Variants in GSTO2 observed in about 807,000 individuals in gnomAD.
GSTO2 encodes the protein glutathione S-transferase omega-2.
GSTO2 carries 23 observed loss-of-function variants against 28.4 expected under a neutral mutation model. The ratio of observed to expected loss-of-function variants is 0.81; its 90% CI spans 0.58 to 1.15. GSTO2 has a LOEUF of 1.15. Among genes scored for constraint, GSTO2 ranks in the 50% most tolerant of loss-of-function variants. The pLI is 0.00. For synonymous variants in GSTO2, 109 were observed against 111.0 expected (o/e 0.98, Z 0.11); for missense variants, 298 against 297.8 (o/e 1.00, Z 0.00).
chr10:104,297,470 GCCTCAGTTCTC>G, intron 5 of GSTO2, 97 bp from the exon 6 acceptor site: 2 of 657,606 alleles, frequency 3.0e-6, no homozygotes, highest in Non-Finnish European at 5.4e-6. Context: ...AAGGAGAGAG[GCCTCAGTTCTC>G]CCTCTCTGGG....
At chr10:104,286,597 A>G (rs932547852) in intron 5 of GSTO2, among the ~76,000 whole-genome samples, 12 of 152,186 alleles carry the variant, frequency 7.9e-5, no homozygotes, top group Non-Finnish European at 1.5e-4. Context: ...CATGTTTACT[A>G]ACATGCCATT....
rs945082180 is a variant in GSTO2, at chr10:104,288,189, C to T, written c.468+8718C>T. Among the ~76,000 whole-genome samples the T allele has an allele frequency of 5.3e-5, 8 of 152,102 alleles. No homozygotes were observed. The East Asian group carries it at 5.8e-4, about 11-fold the overall frequency. Reference sequence around the variant, plus strand: ...ACAGGCGTGAGCCACCTCACCCGGCCGAAAACACTTTTAATGTCTGCATAC... The same window carrying T: ...ACAGGCGTGAGCCACCTCACCCGGCTGAAAACACTTTTAATGTCTGCATAC... On this transcript the variant is annotated intron_variant, in intron 5 of 6. Transcript: ENST00000338595.
chr10:104,271,142 G>A (rs1430946398), intron 1 of GSTO2, among the ~76,000 whole-genome samples: 1 of 152,190 alleles, frequency 6.6e-6, no homozygotes, highest in Non-Finnish European at 1.5e-5. Context: ...GTAGGGATAA[G>A]CTTAAGGTTA....
intron 3 of GSTO2, among the ~76,000 whole-genome samples, 176 bp from the exon 4 acceptor site, chr10:104,277,718 A>G (rs879296152): frequency 6.6e-6 from 1 of 152,232 alleles, no homozygotes; most frequent in East Asian, 1.9e-4. Flanking sequence ...AACATCCGAC[A>G]CATCTTACTG....
intron 5 of GSTO2, among the ~76,000 whole-genome samples, chr10:104,294,680 C>T (rs2012942706): frequency 6.6e-6 from 1 of 152,228 alleles, no homozygotes; most frequent in Middle Eastern, 3.4e-3. Flanking sequence ...ATTTGCTGAG[C>T]GGGGGACTGG....
At chr10:104,283,686 G>C (rs986934116) in intron 5 of GSTO2, among the ~76,000 whole-genome samples, 1 of 152,140 alleles carries the variant, frequency 6.6e-6, no homozygotes, top group Non-Finnish European at 1.5e-5. Flanking sequence ...CTGAAAACAT[G>C]ACCAATGTAC....
rs1564856322 is a variant in GSTO2, at chr10:104,303,284, GT to G, written c.*4001del. 6.6e-6 allele frequency: 1 copy of G among 152,230 alleles called. No homozygotes were observed. The highest frequency in any genetic ancestry group is 1.5e-5 in the Non-Finnish European group (1 of 68,036). 9.4% of individuals were successfully genotyped at this position (152,230 alleles called of 1,614,324 possible). A position where few individuals can be genotyped will look rare whatever the true frequency, so the allele number is the denominator to read the frequency against. On this transcript the variant is annotated 3_prime_UTR_variant, in exon 7 of 7. Coordinates refer to ENST00000338595, the MANE Select transcript of GSTO2 (RefSeq NM_183239.2). ...TATGGTTGTGACCAAAATGCCAGTA[GT>G]GATATGGACAGTGAAGGCCAGGCTG... is the stretch of plus-strand genomic sequence containing the variant.
chr10:104,280,962 C>T (rs2012003053), intron 5 of GSTO2, among the ~76,000 whole-genome samples: 1 of 152,210 alleles, frequency 6.6e-6, no homozygotes, highest in African/African-American at 2.4e-5. Context: ...CCAACTGTGG[C>T]CTTGACTCCA....
Position 104,300,476 on chromosome 10 carries a change from G to C in GSTO2, c.*1192G>C, listed in dbSNP as rs1481449974. 1 of 152,300 alleles carries C rather than the reference G, an allele frequency of 6.6e-6. No individual in the cohort carries two copies. The highest frequency in any genetic ancestry group is 1.5e-5 in the Non-Finnish European group (1 of 68,084). 9.4% of individuals were successfully genotyped at this position (152,300 alleles called of 1,614,324 possible). ...TATCTTGGTTGAGGTTTTAAACCTA[G>C]CGCTTTGGAGCTGCTTGTCTGTTGT... On this transcript the variant is annotated 3_prime_UTR_variant, in exon 7 of 7. Transcript: ENST00000338595.
chr10:104,278,206 G>A (rs748443440), intron 4 of GSTO2, 90 bp downstream of exon 4: 2 of 970,346 alleles, frequency 2.1e-6, no homozygotes, highest in South Asian at 1.5e-5. Context: ...AATCATTGGT[G>A]AAACTGTTTT....
intron 2 of GSTO2, 110 bp downstream of exon 2, chr10:104,275,059 C>G: frequency 6.7e-7 from 1 of 1,490,614 alleles, no homozygotes; most frequent in Non-Finnish European, 8.9e-7. Context: ...CAGGAAGGGA[C>G]TTGGAGGGCT....
At position 104,278,155 on chromosome 10, in the gene GSTO2, C is replaced by T. The variant is rs34289582; in HGVS notation, c.366+39C>T. On this transcript the variant is annotated intron_variant, in intron 4 of 6. Coordinates refer to ENST00000338595, the MANE Select transcript of GSTO2 (RefSeq NM_183239.2). ...AAAAAGTCACTCACACTGTATTTTA[C>T]TTTGCATGTCTTTCCCAAACCTCAA... 10 of 1,487,628 alleles carry T rather than the reference C, an allele frequency of 6.7e-6. 1 individual carries two copies. The highest frequency in any genetic ancestry group is 4.6e-4 in the Middle Eastern group (2 of 4,362). The allele number at this position is 1,487,628 out of a possible 1,614,324, so 92.2% of individuals were successfully genotyped here.
At chr10:104,278,631 G>A (rs1224806467) in intron 4 of GSTO2, among the ~76,000 whole-genome samples, 1 of 152,156 alleles carries the variant, frequency 6.6e-6, no homozygotes, top group African/African-American at 2.4e-5. Flanking sequence ...ACAGGCGCAT[G>A]CCACCACACC....
intron 1 of GSTO2, among the ~76,000 whole-genome samples, chr10:104,272,690 A>C (rs1488175931): frequency 7.5e-6 from 1 of 133,402 alleles, no homozygotes; most frequent in African/African-American, 2.9e-5. Context: ...CTCGGCTCAC[A>C]GCAAGCTCCG....
In GSTO2 at chr10:104,301,921, G is replaced by A. The variant is rs2013270755; in HGVS notation, c.*2637G>A. ...AAGCACTAAACTTAAAGATTTAAAG[G>A]TGAGAGCCTGTATTAGGCCATTCTC... On this transcript the variant is annotated 3_prime_UTR_variant, in exon 7 of 7. Coordinates refer to ENST00000338595, the MANE Select transcript of GSTO2 (RefSeq NM_183239.2). 1.3e-5 allele frequency: 2 copies of A among 152,192 alleles called. No individual in the cohort carries two copies. The highest frequency in any genetic ancestry group is 2.1e-4 in the South Asian group (1 of 4,828). The allele number at this position is 152,192 out of a possible 1,614,324, so 9.4% of individuals were successfully genotyped here.
chr10:104,274,935 G>A lies in GSTO2; in HGVS notation c.20G>A (p.Arg7Lys). 6.2e-7 allele frequency: 1 copy of A among 1,604,058 alleles called. No homozygotes were observed. ...GAGACCATGTCTGGGGATGCGACCA[G>A]GACCCTGGGGAAAGGTGAGTGCTCT... MSGDAT[R>K]TLGKGSQPPG... Residue 7 changes from arginine to lysine, a missense_variant, in exon 2 of 7, where the codon AGG becomes AAG. Physicochemically the swap from Arg to Lys is conservative, Grantham distance 26. Transcript: ENST00000338595.
chr10:104,269,707 T>C (rs1402679658), intron 1 of GSTO2, among the ~76,000 whole-genome samples: 1 of 152,214 alleles, frequency 6.6e-6, no homozygotes, highest in Non-Finnish European at 1.5e-5. Context: ...GAAATAATCA[T>C]AAAATAATAA....
chr10:104,272,056 A>C (rs12247206), intron 1 of GSTO2, among the ~76,000 whole-genome samples: 11,250 of 152,258 alleles, frequency 0.074, 1,387 homozygotes, highest in African/African-American at 0.26. Flanking sequence ...TAATATATTA[A>C]CTATGGATGT....
At chr10:104,297,781 T>G (rs1274687458) in intron 6 of GSTO2, 97 bp downstream of exon 6, 1 of 799,990 alleles carries the variant, frequency 1.3e-6, no homozygotes, top group African/African-American at 1.7e-5. Context: ...TGTTTCAGGA[T>G]GTCTGTGAAG....
Sources: gnomAD v4.1 joint callset for allele counts (sites outside exome capture counted in the v4.1 genomes callset) on GRCh38, gnomAD v4.1.1 for gene constraint, MANE v1.5 for transcripts, NCBI Gene and HGNC (gene_info 2026-07-23, HGNC 2026-07-21) for gene names.